The following NBEA variants were observed in gnomAD, a reference collection of about 807,000 sequenced individuals.
NBEA encodes the protein lysosomal-trafficking regulator 2.
Under a neutral mutation model 343.4 loss-of-function variants are expected in NBEA, and 44 were observed. The observed-to-expected ratio is 0.13, with a 90% CI of 0.10 to 0.16. The LOEUF (loss-of-function observed/expected upper bound fraction) is 0.16. NBEA is among the 10% of genes least tolerant of loss of function. The pLI, the probability that NBEA is intolerant of heterozygous loss-of-function variation, is 1.00. For synonymous variants in NBEA, 1,175 were observed against 1,238.7 expected (o/e 0.95, Z 1.08); for missense variants, 2,555 against 3,631.3 (o/e 0.70, Z 7.62).
chr13:35,629,109 A>C (rs576340816), intron 49 of NBEA, among the ~76,000 whole-genome samples: 10 of 152,330 alleles, frequency 6.6e-5, no homozygotes, highest in African/African-American at 2.4e-4. Flanking sequence ...AAATATTCAT[A>C]TAAAATATTA....
rs983856964 is a variant in NBEA, at chr13:35,161,964, G to A, written c.4076G>A (p.Arg1359Lys). ...FALETDVHVW[R>K]SHSTKSVMDF... ...TTAGAAACTGATGTACATGTTTGGA[G>A]GAGGTAGAAATATTTCTTTTTTATA... The change falls in exon 23 of 59, where the codon AGG (arginine) becomes AAG (lysine). Residue 1359 changes from arginine to lysine, a missense_variant. Arg to Lys is a conservative substitution (Grantham distance 26, BLOSUM62 2). Transcript: ENST00000379939. The A allele has an allele frequency of 2.6e-6, 4 of 1,541,780 alleles. No homozygotes were observed. The highest frequency in any genetic ancestry group is 3.9e-5 in the Admixed American group (2 of 50,636).
At chr13:35,645,205 AC>A (rs2084168615) in intron 49 of NBEA, among the ~76,000 whole-genome samples, 1 of 152,214 alleles carries the variant, frequency 6.6e-6, no homozygotes, top group Non-Finnish European at 1.5e-5. Flanking sequence ...TTCTACAAGC[AC>A]CTAGCTATGA....
At chr13:35,297,066 A>T (rs1191751162) in intron 35 of NBEA, among the ~76,000 whole-genome samples, 1 of 152,042 alleles carries the variant, frequency 6.6e-6, no homozygotes, top group Non-Finnish European at 1.5e-5. Flanking sequence ...CAGGAAATTG[A>T]TATTAATGTA....
intron 38 of NBEA, among the ~76,000 whole-genome samples, chr13:35,429,798 A>G (rs1046639958): frequency 4.4e-5 from 2 of 45,548 alleles, no homozygotes; most frequent in Admixed American, 4.8e-4. Context: ...CTGAGTCCCC[A>G]ACGTGTGTGT....
intron 40 of NBEA, 109 bp from the exon 41 acceptor site, chr13:35,472,291 C>T: frequency 1.6e-6 from 2 of 1,213,880 alleles, no homozygotes; most frequent in Non-Finnish European, 2.3e-6. Flanking sequence ...AATACAGGCA[C>T]CATTTTTTCT....
intron 10 of NBEA, among the ~76,000 whole-genome samples, chr13:35,091,175 G>C (rs1328325155): frequency 6.6e-6 from 1 of 151,910 alleles, no homozygotes; most frequent in Non-Finnish European, 1.5e-5. Flanking sequence ...GTCCTAAGAG[G>C]GTGGGACAAA....
intron 58 of NBEA, among the ~76,000 whole-genome samples, chr13:35,670,599 G>A (rs7981398): frequency 0.023 from 3,456 of 152,324 alleles, 150 homozygotes; most frequent in African/African-American, 0.079. Flanking sequence ...GGACAGGCAC[G>A]TGTGTGATTG....
intron 1 of NBEA, among the ~76,000 whole-genome samples, chr13:35,026,623 A>G (rs973832923): frequency 4.6e-5 from 7 of 152,154 alleles, no homozygotes; most frequent in Admixed American, 1.3e-4. Flanking sequence ...TGATTGTTCC[A>G]TAATTGTTTT....
At position 35,165,228 on chromosome 13, in the gene NBEA, A is replaced by G. The variant is rs183329901; in HGVS notation, c.4233+719A>G. The G allele has an allele frequency of 7.5e-4, 336 of 447,348 alleles. No homozygotes were observed. In the Middle Eastern group the frequency reaches 9.9e-3, roughly 13 times the overall value. The allele number at this position is 447,348 out of a possible 1,614,324, so 27.7% of individuals were successfully genotyped here. On this transcript the variant is annotated intron_variant, in intron 24 of 58. Coordinates refer to ENST00000379939, the MANE Select transcript of NBEA (RefSeq NM_001385012.1). Reference sequence around the variant, plus strand: ...CCAAGTTGATCTCTAAGTGTATTTCATCATTAACAAGCTTTTTCTACATGA... The same window carrying G: ...CCAAGTTGATCTCTAAGTGTATTTCGTCATTAACAAGCTTTTTCTACATGA...
chr13:35,014,511 T>C (rs2061585926), intron 1 of NBEA, among the ~76,000 whole-genome samples: 1 of 152,162 alleles, frequency 6.6e-6, no homozygotes, highest in South Asian at 2.1e-4. Context: ...TTTTTAAAGA[T>C]CTGGAAACTG....
chr13:35,315,093 C>A (rs1243317122), intron 36 of NBEA, among the ~76,000 whole-genome samples: 1 of 152,158 alleles, frequency 6.6e-6, no homozygotes. Context: ...ACAACTTTTT[C>A]ATATGGCTTA....
chr13:35,282,554 A>C (rs917224092), intron 34 of NBEA, among the ~76,000 whole-genome samples: 13 of 152,270 alleles, frequency 8.5e-5, no homozygotes, highest in African/African-American at 3.1e-4. Context: ...AATTTAACCC[A>C]AAAATAATTG....
At chr13:34,979,588 A>T (rs1593346840) in intron 1 of NBEA, among the ~76,000 whole-genome samples, 1 of 152,180 alleles carries the variant, frequency 6.6e-6, no homozygotes, top group East Asian at 1.9e-4. Flanking sequence ...CAATTTGTAA[A>T]TTTTTTAAAA....
intron 34 of NBEA, among the ~76,000 whole-genome samples, chr13:35,261,149 G>A (rs1282285702): frequency 6.6e-6 from 1 of 152,134 alleles, no homozygotes; most frequent in East Asian, 1.9e-4. Context: ...AAAACTTTCT[G>A]GGAAATGACA....
At chr13:35,586,313 A>G (rs1566366640) in intron 46 of NBEA, among the ~76,000 whole-genome samples, 1 of 152,214 alleles carries the variant, frequency 6.6e-6, no homozygotes, top group South Asian at 2.1e-4. Context: ...GAAACCACTG[A>G]TAGGTGACAA....
intron 38 of NBEA, among the ~76,000 whole-genome samples, chr13:35,431,705 T>C (rs556966588): frequency 6.6e-6 from 1 of 152,294 alleles, no homozygotes; most frequent in East Asian, 1.9e-4. Flanking sequence ...ATGGATAAAA[T>C]TGCATTTTTC....
intron 30 of NBEA, 82 bp downstream of exon 30, chr13:35,184,153 G>A: frequency 6.0e-6 from 6 of 992,880 alleles, no homozygotes; most frequent in Non-Finnish European, 7.3e-6. Flanking sequence ...TGATATACTT[G>A]TTTATAAATA....
Position 35,293,539 on chromosome 13 carries a change from G to A in NBEA, c.5838+3089G>A, listed in dbSNP as rs544276634. On this transcript the variant is annotated intron_variant, in intron 35 of 58. Transcript: ENST00000379939. Reference sequence around the variant, plus strand: ...ATCAGTGCTTAATTAGGGAGTACAAGGTTTTCTACAGATTCTTCAGTATAT... The same window carrying A: ...ATCAGTGCTTAATTAGGGAGTACAAAGTTTTCTACAGATTCTTCAGTATAT... Among the ~76,000 whole-genome samples, 239 of 151,918 alleles carry A rather than the reference G, an allele frequency of 1.6e-3. 1 individual carries two copies. The highest frequency in any genetic ancestry group is 5.6e-3 in the African/African-American group (231 of 41,498).
At chr13:35,003,724 T>C (rs893652594) in intron 1 of NBEA, among the ~76,000 whole-genome samples, 23 of 152,214 alleles carry the variant, frequency 1.5e-4, no homozygotes, top group African/African-American at 5.5e-4. Flanking sequence ...TTTCTTAACT[T>C]TAATTTTTAT....
Sources: gnomAD v4.1 joint callset for allele counts (sites outside exome capture counted in the v4.1 genomes callset) on GRCh38, gnomAD v4.1.1 for gene constraint, MANE v1.5 for transcripts, NCBI Gene and HGNC (gene_info 2026-07-23, HGNC 2026-07-21) for gene names.